Variants in ELMO1 observed in about 807,000 individuals in gnomAD.
The protein encoded by ELMO1 is engulfment and cell motility 1.
In ELMO1, 26 loss-of-function variants were observed where a neutral mutation model predicts 98.9. That is an observed-to-expected ratio of 0.26 (90% CI 0.19 to 0.36). The LOEUF (loss-of-function observed/expected upper bound fraction) is 0.36, where lower values mean the gene tolerates loss of function less well. Among genes scored for constraint, ELMO1 ranks in the 10% least tolerant of loss-of-function variants. The pLI is 1.00. For missense variants in ELMO1, 627 were observed against 935.2 expected (o/e 0.67, Z 4.30); for synonymous variants, 346 against 346.0 (o/e 1.00, Z 0.00).
intron 4 of ELMO1, among the ~76,000 whole-genome samples, chr7:37,281,623 G>A (rs1025141566): frequency 2.6e-5 from 4 of 152,180 alleles, no homozygotes; most frequent in South Asian, 2.1e-4. Flanking sequence ...TCCATAGCTC[G>A]TGAATCAGGG....
At chr7:37,399,292 A>G (rs1037389317) in intron 1 of ELMO1, among the ~76,000 whole-genome samples, 12 of 152,244 alleles carry the variant, frequency 7.9e-5, no homozygotes, top group Non-Finnish European at 1.6e-4. Context: ...GAGTGGAGGC[A>G]GTGGGTTCCT....
intron 20 of ELMO1, among the ~76,000 whole-genome samples, chr7:36,865,856 AT>A (rs1443739547): frequency 6.6e-6 from 1 of 152,254 alleles, no homozygotes; most frequent in Non-Finnish European, 1.5e-5. Flanking sequence ...GAGATGCTCA[AT>A]ACATTGCTGA....
chr7:37,230,298 C>T (rs1243879984), intron 8 of ELMO1, among the ~76,000 whole-genome samples: 1 of 152,070 alleles, frequency 6.6e-6, no homozygotes, highest in Non-Finnish European at 1.5e-5. Flanking sequence ...GGAACAGGGG[C>T]ATTCAGGAGA....
At chr7:37,000,122 C>T (rs187514806) in intron 16 of ELMO1, among the ~76,000 whole-genome samples, 160 of 152,282 alleles carry the variant, frequency 1.1e-3, no homozygotes, top group Non-Finnish European at 1.8e-3. Flanking sequence ...TTCAAACACA[C>T]GTTGGGGCAA....
chr7:37,203,275 C>G (rs1357372099), intron 13 of ELMO1, among the ~76,000 whole-genome samples: 1 of 152,206 alleles, frequency 6.6e-6, no homozygotes, highest in East Asian at 1.9e-4. Context: ...CTTAAGCATT[C>G]TCCCGTTAGT....
At chr7:37,172,105 T>C (rs973545874) in intron 13 of ELMO1, among the ~76,000 whole-genome samples, 2 of 152,186 alleles carry the variant, frequency 1.3e-5, no homozygotes, top group Non-Finnish European at 2.9e-5. Context: ...GACTATCCTG[T>C]AAGAAAATGT....
chr7:36,881,069 A>G (rs1804413523), intron 18 of ELMO1, among the ~76,000 whole-genome samples: 1 of 152,234 alleles, frequency 6.6e-6, no homozygotes, highest in Non-Finnish European at 1.5e-5. Context: ...AGATTGGTAC[A>G]TCACAGATAT....
At chr7:37,127,751 G>C (rs553437486) in intron 14 of ELMO1, among the ~76,000 whole-genome samples, 1 of 152,206 alleles carries the variant, frequency 6.6e-6, no homozygotes, top group South Asian at 2.1e-4. Context: ...TTCCACCTTT[G>C]AGAGAGCCCT....
chr7:36,963,275 G>C (rs911991785), intron 16 of ELMO1, among the ~76,000 whole-genome samples: 22 of 152,100 alleles, frequency 1.4e-4, no homozygotes, highest in African/African-American at 5.1e-4. Flanking sequence ...CTATTCAGGA[G>C]ACTGAGGCAG....
At chr7:37,287,963 ATTTG>A (rs898145723) in intron 4 of ELMO1, among the ~76,000 whole-genome samples, 2 of 150,750 alleles carry the variant, frequency 1.3e-5, no homozygotes, top group Admixed American at 6.6e-5. Context: ...TTTTTTGTTT[ATTTG>A]TTTGTTTGTT....
In ELMO1 at chr7:36,880,200, C is replaced by G. The variant is rs372774508; in HGVS notation, c.1715-2083G>C. On this transcript the variant is annotated intron_variant, in intron 18 of 21. Transcript: ENST00000310758. ...GGGTGATAGAGGCTGGGAAGGAAGA[C>G]AGTGAGAAGTGGTACTTGGACATGC... 2.3e-4 allele frequency among the ~76,000 whole-genome samples: 35 copies of G among 152,314 alleles called. No homozygotes were observed. In the East Asian group the frequency reaches 4.6e-3, roughly 20 times the overall value.
intron 1 of ELMO1, among the ~76,000 whole-genome samples, chr7:37,374,171 T>G (rs180767740): frequency 1.3e-5 from 2 of 152,222 alleles, no homozygotes; most frequent in East Asian, 3.9e-4. Context: ...TGCACAATGA[T>G]CCATCGGAAT....
chr7:36,999,596 A>T (rs1792490023), intron 16 of ELMO1, among the ~76,000 whole-genome samples: 1 of 152,242 alleles, frequency 6.6e-6, no homozygotes, highest in Non-Finnish European at 1.5e-5. Context: ...AAAGAGAAAT[A>T]GGTACTGTGA....
chr7:37,123,775 T>C (rs894288135), intron 14 of ELMO1, among the ~76,000 whole-genome samples: 11 of 152,214 alleles, frequency 7.2e-5, no homozygotes, highest in Non-Finnish European at 1.2e-4. Context: ...GAATCCTCCC[T>C]ATCTCATTTC....
intron 7 of ELMO1, among the ~76,000 whole-genome samples, chr7:37,238,608 G>A (rs1053313250): frequency 6.6e-6 from 1 of 152,140 alleles, no homozygotes; most frequent in Non-Finnish European, 1.5e-5. Flanking sequence ...ACTGCAGAAA[G>A]CAAACATATT....
Position 37,426,251 on chromosome 7 carries a change from T to C in ELMO1, c.-74+22424A>G, listed in dbSNP as rs145463723. The stretch of plus-strand genomic sequence containing the variant: ...TCACTGCAACCTCTGCTTCCTGGGC[T>C]CAAGCGATTCTCCTGCCTCAGCCTC... On this transcript the variant is annotated intron_variant, in intron 1 of 21. Coordinates refer to ENST00000310758, the MANE Select transcript of ELMO1 (RefSeq NM_014800.11). Among the ~76,000 whole-genome samples the C allele has an allele frequency of 6.5e-3, 949 of 145,288 alleles. 5 individuals carry two copies. The highest frequency in any genetic ancestry group is 0.023 in the African/African-American group (907 of 39,342).
chr7:37,068,601 C>A (rs1338336584), intron 15 of ELMO1, among the ~76,000 whole-genome samples: 1 of 152,122 alleles, frequency 6.6e-6, no homozygotes, highest in Non-Finnish European at 1.5e-5. Flanking sequence ...ATTTAGGATA[C>A]AGGTAACTCA....
intron 6 of ELMO1, among the ~76,000 whole-genome samples, chr7:37,245,310 G>T (rs1044631499): frequency 1.1e-4 from 17 of 152,226 alleles, no homozygotes; most frequent in Non-Finnish European, 1.9e-4. Context: ...CTGCTTGAGG[G>T]CTAGGACTCT....
intron 1 of ELMO1, among the ~76,000 whole-genome samples, chr7:37,378,594 C>CA (rs1802457840): frequency 6.7e-6 from 1 of 148,358 alleles, no homozygotes; most frequent in Non-Finnish European, 1.5e-5. Flanking sequence ...GTGGTATAAA[C>CA]GAAAAAAAAA....
Sources: gnomAD v4.1 joint callset for allele counts (sites outside exome capture counted in the v4.1 genomes callset) on GRCh38, gnomAD v4.1.1 for gene constraint, MANE v1.5 for transcripts, NCBI Gene and HGNC (gene_info 2026-07-23, HGNC 2026-07-21) for gene names.